The following LRP8 variants were observed in gnomAD, a reference collection of about 807,000 sequenced individuals.
LRP8 encodes LDL receptor related protein 8, also known as low-density lipoprotein receptor-related protein 8.
Under a neutral mutation model 111.6 loss-of-function variants are expected in LRP8, and 46 were observed. The ratio of observed to expected loss-of-function variants is 0.41; its 90% confidence interval spans 0.33 to 0.53. The LOEUF is 0.53. Among genes scored for constraint, LRP8 ranks in the 20% least tolerant of loss-of-function variants. LRP8 has a pLI of 0.20. For missense variants in LRP8, 959 were observed against 1,297.4 expected (o/e 0.74, Z 4.01); for synonymous variants, 464 against 511.2 (o/e 0.91, Z 1.24).
At chr1:53,258,565 A>G (rs1013981252) in intron 13 of LRP8, 94 bp from the exon 14 acceptor site, 3 of 1,183,324 alleles carry the variant, frequency 2.5e-6, no homozygotes, top group East Asian at 2.5e-5. Context: ...TGGCTTGCTC[A>G]AAAAGCTTGC....
chr1:53,314,935 A>G (rs1284582299), intron 2 of LRP8, among the ~76,000 whole-genome samples: 2 of 152,208 alleles, frequency 1.3e-5, no homozygotes, highest in Non-Finnish European at 2.9e-5. Flanking sequence ...CTGGGAGGTG[A>G]GGCCAGAGCC....
Position 53,262,075 on chromosome 1 carries a change from A to G in LRP8, c.1907T>C (p.Val636Ala), listed in dbSNP as rs571613825. The G allele has an allele frequency of 1.9e-6, 3 of 1,614,170 alleles. No individual in the cohort carries two copies. The highest frequency in any genetic ancestry group is 2.5e-6 in the Non-Finnish European group (3 of 1,180,024). ...TCTCCTTACAGGACTCACCTCAAAC[A>G]CAGCTATCCCAAAAGGGTGGCTCAG... is the stretch of plus-strand genomic sequence containing the variant. Reference protein sequence around the residue: ...DFLSHPFGIAVFEDKVFWTDL... With the variant: ...DFLSHPFGIAAFEDKVFWTDL... Residue 636 changes from valine to alanine, a missense_variant, in exon 12 of 19, where the codon GTG (valine) becomes GCG (alanine). Val to Ala is a moderately conservative substitution (Grantham distance 64). Coordinates refer to ENST00000306052, the MANE Select transcript of LRP8 (RefSeq NM_004631.5). The surrounding 1 kb of genome is among the most constrained non-coding windows in gnomAD (Gnocchi z 4.8).
chr1:53,296,845 C>T (rs1016587917), intron 2 of LRP8, among the ~76,000 whole-genome samples: 4 of 152,230 alleles, frequency 2.6e-5, no homozygotes. Flanking sequence ...CGGGTCCTGG[C>T]ATGGAGCTGG....
Position 53,277,079 on chromosome 1 carries a change from C to G in LRP8, c.497-1G>C. On this transcript the variant is annotated splice_acceptor_variant, in intron 4 of 18. Coordinates refer to ENST00000306052, the MANE Select transcript of LRP8 (RefSeq NM_004631.5). LOFTEE classifies it high-confidence loss of function. ...CACTGGAACTCGTGCGGGGCGCACA[C>G]TGCGCGGGACAGAGAGCCGGTCGGC... 6.7e-7 allele frequency: 1 copy of G among 1,500,102 alleles called. No individual in the cohort carries two copies. The highest frequency in any genetic ancestry group is 8.9e-7 in the Non-Finnish European group (1 of 1,129,798). 92.9% of individuals were successfully genotyped at this position (1,500,102 alleles called of 1,614,324 possible). A position where few individuals can be genotyped will look rare whatever the true frequency, so the allele number is the denominator to read the frequency against.
Position 53,262,522 on chromosome 1 carries a change from C to T in LRP8, c.1698G>A (p.Glu566=), listed in dbSNP as rs1190943023. ...GGTCCACACCGTTGAGCCCAGATTT[C>T]TCAATCTTGGCCTGGTCCCCCCAGT... The part of the protein sequence containing the change: ...WSDWGDQAKI[E]KSGLNGVDRQ... The change falls in exon 11 of 19, where the codon GAG becomes GAA. Residue 566 remains glutamate (E), a synonymous_variant. Coordinates refer to ENST00000306052, the MANE Select transcript of LRP8 (RefSeq NM_004631.5). This position sits in a 1 kb window ranked among gnomAD's most constrained non-coding sequence, Gnocchi z 4.8. 22 of 1,614,190 alleles carry T rather than the reference C, an allele frequency of 1.4e-5. No individual in the cohort carries two copies. The highest frequency in any genetic ancestry group is 1.8e-5 in the Non-Finnish European group (21 of 1,180,034).
chr1:53,328,026 C>A lies in LRP8; in HGVS notation c.-114G>T. On this transcript the variant is annotated 5_prime_UTR_variant, in exon 1 of 19. Coordinates refer to ENST00000306052, the MANE Select transcript of LRP8 (RefSeq NM_004631.5). ...GGGGTTGCCGCTGCCCCCGCCGCCG[C>A]CGCCGCCGCCGCTGCCGCCCGCCCC... is the stretch of plus-strand genomic sequence containing the variant. The A allele has an allele frequency of 1.9e-6, 1 of 522,062 alleles. No individual in the cohort carries two copies. The highest frequency in any genetic ancestry group is 2.4e-6 in the Non-Finnish European group (1 of 408,364). 32.3% of individuals were successfully genotyped at this position (522,062 alleles called of 1,614,324 possible). A position where few individuals can be genotyped will look rare whatever the true frequency, so the allele number is the denominator to read the frequency against.
At chr1:53,260,948 G>C (rs1646312782) in intron 12 of LRP8, among the ~76,000 whole-genome samples, 1 of 152,184 alleles carries the variant, frequency 6.6e-6, no homozygotes, top group South Asian at 2.1e-4. Flanking sequence ...AGATTGGAAG[G>C]AATGTGTGAG....
Position 53,326,256 on chromosome 1 carries a change from G to A in LRP8, c.244+617C>T, listed in dbSNP as rs61769653. Among the ~76,000 whole-genome samples the A allele has an allele frequency of 4.5e-4, 68 of 152,248 alleles. 1 individual carries two copies. Among genetic ancestry groups the A allele is most frequent in the Admixed American group, 3.3e-3 (50 of 15,290 alleles). ...CCCCGCCTGCACCTACCACCCTAAG[G>A]ATATGCGCGGGGGTGTGGCCGGGGC... On this transcript the variant is annotated intron_variant, in intron 2 of 18. Coordinates refer to ENST00000306052, the MANE Select transcript of LRP8 (RefSeq NM_004631.5).
chr1:53,254,198 G>A lies in LRP8; in HGVS notation c.2503+919C>T, dbSNP rs147486467. Among the ~76,000 whole-genome samples the A allele has an allele frequency of 4.5e-4, 69 of 152,046 alleles. 1 individual carries two copies. Among genetic ancestry groups the A allele is most frequent in the South Asian group, 1.7e-3 (8 of 4,818 alleles). ...CTAAGAGAGGGGTGTACAGGATACC[G>A]TGTGGTCATCAGGGTGGAAGAGAAT... On this transcript the variant is annotated intron_variant, in intron 16 of 18. Transcript: ENST00000306052.
intron 18 of LRP8, among the ~76,000 whole-genome samples, chr1:53,248,056 A>G (rs1422984890): frequency 6.6e-6 from 1 of 152,204 alleles, no homozygotes; most frequent in Non-Finnish European, 1.5e-5. Context: ...GACCTACCTC[A>G]CAGGGTTGTT....
At chr1:53,270,961 C>A in intron 8 of LRP8, 67 bp downstream of exon 8, 2 of 1,610,950 alleles carry the variant, frequency 1.2e-6, no homozygotes, top group South Asian at 1.1e-5. Context: ...CCACTCCTCA[C>A]AAGTGGAAGC....
In LRP8 at chr1:53,277,097, C is replaced by A; in HGVS notation, c.497-19G>T. 6.8e-7 allele frequency: 1 copy of A among 1,467,862 alleles called. No homozygotes were observed. The highest frequency in any genetic ancestry group is 9.0e-7 in the Non-Finnish European group (1 of 1,112,766). 90.9% of individuals were successfully genotyped at this position (1,467,862 alleles called of 1,614,324 possible). ...GCGCACACTGCGCGGGACAGAGAGCCGGTCGGCCCGCCGACCCCCTCCCCG... is the reference window on the plus strand; with the variant it reads ...GCGCACACTGCGCGGGACAGAGAGCAGGTCGGCCCGCCGACCCCCTCCCCG... On this transcript the variant is annotated intron_variant, in intron 4 of 18. Coordinates refer to ENST00000306052, the MANE Select transcript of LRP8 (RefSeq NM_004631.5).
chr1:53,313,854 T>C (rs931429215), intron 2 of LRP8, among the ~76,000 whole-genome samples: 1 of 152,096 alleles, frequency 6.6e-6, no homozygotes, highest in African/African-American at 2.4e-5. Context: ...GAGGAAAGGG[T>C]GTAGCTTTGC....
Position 53,244,087 on chromosome 1 carries a change from T to A in LRP8, c.*2931A>T, listed in dbSNP as rs1247868678. ...CATTCTCTTTTTGCCAGTTAACAGG[T>A]TACTTCAATCTGTTTTATAAATAAT... On this transcript the variant is annotated 3_prime_UTR_variant, in exon 19 of 19. Coordinates refer to ENST00000306052, the MANE Select transcript of LRP8 (RefSeq NM_004631.5). The A allele has an allele frequency of 3.9e-5, 6 of 152,230 alleles. No homozygotes were observed. Among genetic ancestry groups the A allele is most frequent in the Admixed American group, 2.6e-4 (4 of 15,286 alleles). The allele number at this position is 152,230 out of a possible 1,614,324, so 9.4% of individuals were successfully genotyped here.
In LRP8 at chr1:53,325,501, C is replaced by T. The variant is rs139904732; in HGVS notation, c.244+1372G>A. Among the ~76,000 whole-genome samples the T allele has an allele frequency of 2.6e-5, 4 of 152,312 alleles. No homozygotes were observed. The East Asian group carries it at 7.7e-4, about 29-fold the overall frequency. On this transcript the variant is annotated intron_variant, in intron 2 of 18. Coordinates refer to ENST00000306052, the MANE Select transcript of LRP8 (RefSeq NM_004631.5). ...AAACAGTCCAATGATGTTGCTGGGG[C>T]AGGAATTATGTGAACCCAAGTGGTC...
Position 53,264,256 on chromosome 1 carries a change from A to G in LRP8, c.1568T>C (p.Val523Ala), listed in dbSNP as rs1646462788. ...WTDSGNKTIS[V>A]ATVDGGRRRT... ...TCGGCGGCCACCATCAACTGTGGCC[A>G]CTGAGATGGTCTTATTGCCCGAGTC... is the stretch of plus-strand genomic sequence containing the variant. The change falls in exon 10 of 19, where the codon GTG (valine) becomes GCG (alanine). Residue 523 changes from valine (V) to alanine (A), a missense_variant. Transcript: ENST00000306052. 4 of 1,614,198 alleles carry G rather than the reference A, an allele frequency of 2.5e-6. No homozygotes were observed. Among genetic ancestry groups the G allele is most frequent in the Non-Finnish European group, 3.4e-6 (4 of 1,180,024 alleles).
intron 8 of LRP8, chr1:53,267,658 C>T (rs951800457): frequency 6.6e-6 from 1 of 152,158 alleles, no homozygotes; most frequent in African/African-American, 2.4e-5. Context: ...GCAGTAGAGA[C>T]AACATAAACT....
At chr1:53,319,770 G>C (rs1402113553) in intron 2 of LRP8, among the ~76,000 whole-genome samples, 1 of 152,230 alleles carries the variant, frequency 6.6e-6, no homozygotes, top group Non-Finnish European at 1.5e-5. Flanking sequence ...AACCGCTGCC[G>C]GGGGACCCAG....
chr1:53,310,047 G>C (rs1220976596), intron 2 of LRP8, among the ~76,000 whole-genome samples: 1 of 152,042 alleles, frequency 6.6e-6, no homozygotes, highest in African/African-American at 2.4e-5. Context: ...TAGCGGCCTT[G>C]AGCTCTGCCC....
Sources: gnomAD v4.1 joint callset for allele counts (sites outside exome capture counted in the v4.1 genomes callset) on GRCh38, gnomAD v4.1.1 for gene constraint, Gnocchi (gnomAD v3.1) non-coding constraint, MANE v1.5 for transcripts, NCBI Gene and HGNC (gene_info 2026-07-23, HGNC 2026-07-21) for gene names.